MRPS35: variants seen among roughly 807,000 people sequenced by gnomAD.
MRPS35 encodes mitochondrial ribosomal protein S35.
In MRPS35, 29 loss-of-function variants were observed where a neutral mutation model predicts 32.7. The ratio of observed to expected loss-of-function variants is 0.89; its 90% CI spans 0.66 to 1.21. MRPS35 has a LOEUF of 1.21. Among genes scored for constraint, MRPS35 ranks in the 50% most tolerant of loss-of-function variants. The pLI is 0.00. For missense variants in MRPS35, 373 were observed against 383.8 expected (o/e 0.97, Z 0.23); for synonymous variants, 148 against 139.3 (o/e 1.06, Z -0.44).
intron 5 of MRPS35, among the ~76,000 whole-genome samples, chr12:27,729,443 T>G (rs1162411833): frequency 6.6e-6 from 1 of 152,118 alleles, no homozygotes; most frequent in Admixed American, 6.5e-5. Flanking sequence ...TCTTTTTGTC[T>G]TTTGCATTAG....
At chr12:27,734,576 ATACC>A (rs2061935929) in intron 5 of MRPS35, among the ~76,000 whole-genome samples, 1 of 152,180 alleles carries the variant, frequency 6.6e-6, no homozygotes, top group Non-Finnish European at 1.5e-5. Flanking sequence ...TCTCTAGATA[ATACC>A]TTTAGCCCAT....
chr12:27,737,543 C>T lies in MRPS35; in HGVS notation c.637C>T (p.Pro213Ser), dbSNP rs2061947141. ...DVLTIKTDRC[P>S]LRRQNYDYAV... ...CTCCCGCTTTCTCTTTAATAGGTGC[C>T]CTTTAAGGAGGCAGAATTACGATTA... The change falls in exon 7 of 8, where the codon CCT becomes TCT. Residue 213 changes from proline (P) to serine (S), a missense_variant. Transcript: ENST00000081029. 1 of 1,611,796 alleles carries T rather than the reference C, an allele frequency of 6.2e-7. No homozygotes were observed. Among genetic ancestry groups the T allele is most frequent in the South Asian group, 1.1e-5 (1 of 90,828 alleles).
intron 5 of MRPS35, 142 bp from the exon 6 acceptor site, chr12:27,735,305 C>A: frequency 1.8e-6 from 1 of 569,366 alleles, no homozygotes; most frequent in Non-Finnish European, 3.0e-6. Flanking sequence ...TAATATGTCC[C>A]AACTGCTTGC....
At chr12:27,728,251 T>A (rs2061908127) in intron 5 of MRPS35, among the ~76,000 whole-genome samples, 1 of 152,144 alleles carries the variant, frequency 6.6e-6, no homozygotes, top group Non-Finnish European at 1.5e-5. Flanking sequence ...AACTTTTCAT[T>A]TGGCTACTTT....
intron 5 of MRPS35, among the ~76,000 whole-genome samples, chr12:27,727,915 A>C (rs2061906828): frequency 6.6e-6 from 1 of 152,094 alleles, no homozygotes; most frequent in South Asian, 2.1e-4. Context: ...ATCCTCCTAT[A>C]TACTTTGTCA....
At chr12:27,752,710 C>T (rs2062010623) in intron 7 of MRPS35, among the ~76,000 whole-genome samples, 1 of 152,064 alleles carries the variant, frequency 6.6e-6, no homozygotes, top group Non-Finnish European at 1.5e-5. Flanking sequence ...TAATTTAGGA[C>T]ATTTATTTTT....
At chr12:27,742,393 T>C (rs911728639) in intron 7 of MRPS35, among the ~76,000 whole-genome samples, 10 of 152,236 alleles carry the variant, frequency 6.6e-5, no homozygotes, top group South Asian at 6.2e-4. Flanking sequence ...ACCCCCTGCC[T>C]TAGGTACCTT....
At chr12:27,725,798 C>CTTTTTTTT (rs1176188580) in intron 5 of MRPS35, 13 of 68,266 alleles carry the variant, frequency 1.9e-4, no homozygotes, top group Non-Finnish European at 2.4e-4. Flanking sequence ...CCTTGTATAC[C>CTTTTTTTT]TTTTTTTTTT....
In MRPS35 at chr12:27,742,374, A is replaced by C. The variant is rs554552938; in HGVS notation, c.702+4766A>C. ...GATATGTTGCTAGGTGCCACTATCA[A>C]AATGAATGACCCCCTGCCTTAGGTA... On this transcript the variant is annotated intron_variant, in intron 7 of 7. Coordinates refer to ENST00000081029, the MANE Select transcript of MRPS35 (RefSeq NM_021821.4). 1.2e-4 allele frequency among the ~76,000 whole-genome samples: 18 copies of C among 152,324 alleles called. No individual in the cohort carries two copies. The East Asian group carries it at 3.1e-3, about 26-fold the overall frequency.
chr12:27,754,928 A>G lies in MRPS35; in HGVS notation c.703-253A>G, dbSNP rs375562726. 2.6e-5 allele frequency among the ~76,000 whole-genome samples: 4 copies of G among 152,306 alleles called. No homozygotes were observed. In the South Asian group the frequency reaches 6.2e-4, roughly 24 times the overall value. On this transcript the variant is annotated intron_variant, in intron 7 of 7. Coordinates refer to ENST00000081029, the MANE Select transcript of MRPS35 (RefSeq NM_021821.4). ...TGTGGATAGAGTAGCGAGTGGTAAC[A>G]GAGCTTGACAGACCAGTGTTCACGT... is the stretch of plus-strand genomic sequence containing the variant.
At chr12:27,714,691 G>A (rs2061842492) in intron 1 of MRPS35, 89 bp from the exon 2 acceptor site, 2 of 857,996 alleles carry the variant, frequency 2.3e-6, no homozygotes. Flanking sequence ...CTTAAATTGT[G>A]TTAGAATAAT....
chr12:27,737,716 T>A, intron 7 of MRPS35, 108 bp downstream of exon 7: 1 of 831,642 alleles, frequency 1.2e-6, no homozygotes, highest in Non-Finnish European at 2.0e-6. Flanking sequence ...TGTGAACTGC[T>A]GAATAATCTA....
Position 27,735,507 on chromosome 12 carries a change from G to A in MRPS35, c.583G>A (p.Gly195Arg), listed in dbSNP as rs12366644. 1 of 1,612,324 alleles carries A rather than the reference G, an allele frequency of 6.2e-7. No individual in the cohort carries two copies. The highest frequency in any genetic ancestry group is 8.5e-7 in the Non-Finnish European group (1 of 1,179,408). Reference protein sequence around the residue: ...HAKKKLIKLVGERYCKTTDVL... With the variant: ...HAKKKLIKLVRERYCKTTDVL... ...AAAGAAGAAATTAATTAAACTTGTA[G>A]GAGAGCGATACTGCAAGACCACAGA... Residue 195 changes from glycine to arginine, a missense_variant, in exon 6 of 8, where the codon GGA becomes AGA. Transcript: ENST00000081029.
intron 7 of MRPS35, among the ~76,000 whole-genome samples, chr12:27,740,196 T>C (rs2061958492): frequency 6.6e-6 from 1 of 152,194 alleles, no homozygotes; most frequent in Non-Finnish European, 1.5e-5. Context: ...AGCCTCTTTT[T>C]AATCCATTGC....
chr12:27,751,676 C>T (rs548090451), intron 7 of MRPS35, among the ~76,000 whole-genome samples: 1 of 152,342 alleles, frequency 6.6e-6, no homozygotes, highest in South Asian at 2.1e-4. Flanking sequence ...AGACGGACAG[C>T]TTTGGCTGTC....
At chr12:27,718,353 G>C (rs766941359) in intron 3 of MRPS35, among the ~76,000 whole-genome samples, 4 of 152,178 alleles carry the variant, frequency 2.6e-5, no homozygotes, top group African/African-American at 4.8e-5. Flanking sequence ...CTTGAACCCA[G>C]GGGGCAGAGG....
At chr12:27,720,305 A>G (rs2061868075) in intron 4 of MRPS35, among the ~76,000 whole-genome samples, 1 of 151,928 alleles carries the variant, frequency 6.6e-6, no homozygotes, top group South Asian at 2.1e-4. Context: ...GAGGCAGGAG[A>G]ATCGCTTGAA....
rs141870127 is a variant in MRPS35, at chr12:27,755,222, G to A, written c.744G>A (p.Met248Ile). 1 of 1,593,736 alleles carries A rather than the reference G, an allele frequency of 6.3e-7. No individual in the cohort carries two copies. Among genetic ancestry groups the A allele is most frequent in the South Asian group, 1.2e-5 (1 of 84,772 alleles). ...AAAAAAGTAAGACTGAAGCAGACAT[G>A]GAAGAGTATATATGGGAAAATAGCT... The part of the protein sequence containing the change: ...EWEKSKTEAD[M>I]EEYIWENSSS... The change falls in exon 8 of 8, where the codon ATG becomes ATA. Residue 248 changes from methionine to isoleucine, a missense_variant. Coordinates refer to ENST00000081029, the MANE Select transcript of MRPS35 (RefSeq NM_021821.4).
intron 2 of MRPS35, 46 bp downstream of exon 2, chr12:27,714,866 T>A: frequency 1.3e-6 from 2 of 1,520,288 alleles, no homozygotes; most frequent in Non-Finnish European, 1.8e-6. Context: ...TCTGGAGTTC[T>A]AAAATGAGGC....
Sources: gnomAD v4.1 joint callset for allele counts (sites outside exome capture counted in the v4.1 genomes callset) on GRCh38, gnomAD v4.1.1 for gene constraint, MANE v1.5 for transcripts, NCBI Gene and HGNC (gene_info 2026-07-23, HGNC 2026-07-21) for gene names.